The following PRKG2 variants were observed in gnomAD, a reference collection of about 807,000 sequenced individuals.
PRKG2 encodes protein kinase cGMP-dependent 2.
In PRKG2, 33 loss-of-function variants were observed where a neutral mutation model predicts 97.2. The observed-to-expected ratio is 0.34, with a 90% CI of 0.26 to 0.45. The LOEUF is 0.45. Among genes scored for constraint, PRKG2 ranks in the 20% least tolerant of loss-of-function variants. The pLI, the probability that PRKG2 is intolerant of heterozygous loss-of-function variation, is 1.00. For missense variants in PRKG2, 638 were observed against 900.0 expected (o/e 0.71, Z 3.73); for synonymous variants, 330 against 321.8 (o/e 1.03, Z -0.27).
At chr4:81,112,431 A>G (rs923523425) in intron 14 of PRKG2, among the ~76,000 whole-genome samples, 1 of 146,340 alleles carries the variant, frequency 6.8e-6, no homozygotes, top group African/African-American at 2.7e-5. Context: ...TATGCACACA[A>G]ATATGAAAAT....
intron 2 of PRKG2, chr4:81,193,379 A>T (rs1174554083): frequency 6.6e-6 from 1 of 152,164 alleles, no homozygotes; most frequent in African/African-American, 2.4e-5. Context: ...AAACAATAAT[A>T]AACAGAGTCT....
At chr4:81,209,016 A>C (rs1447426173) in intron 1 of PRKG2, among the ~76,000 whole-genome samples, 1 of 152,132 alleles carries the variant, frequency 6.6e-6, no homozygotes, top group East Asian at 1.9e-4. Context: ...ACCATAGTTC[A>C]CTCTGGAGGC....
In PRKG2 at chr4:81,134,214, TAC is replaced by T. The variant is rs534749298; in HGVS notation, c.1776+939_1776+940del. ...AAATTTAATTCATGTGGCTGAATTA[TAC>T]AACTATAACATGTGGGTGATGAAAC... On this transcript the variant is annotated intron_variant, in intron 14 of 18. Transcript: ENST00000264399. Among the ~76,000 whole-genome samples the T allele has an allele frequency of 4.3e-4, 66 of 152,328 alleles. No individual in the cohort carries two copies. The South Asian group carries it at 0.013, about 29-fold the overall frequency.
Position 81,089,125 on chromosome 4 carries a change from T to A in PRKG2, c.*583A>T, listed in dbSNP as rs1245889796. On this transcript the variant is annotated 3_prime_UTR_variant, in exon 19 of 19. Transcript: ENST00000264399. Reference sequence around the variant, plus strand: ...AGGAAATGGTGCCACTGACTATTGCTCAATCTTGCCTCTCCCTGGACTCAT... The same window carrying A: ...AGGAAATGGTGCCACTGACTATTGCACAATCTTGCCTCTCCCTGGACTCAT... 1 of 152,200 alleles carries A rather than the reference T, an allele frequency of 6.6e-6. No homozygotes were observed. The highest frequency in any genetic ancestry group is 1.5e-5 in the Non-Finnish European group (1 of 68,056). The allele number at this position is 152,200 out of a possible 1,614,324, so 9.4% of individuals were successfully genotyped here. A position where few individuals can be genotyped will look rare whatever the true frequency, so the allele number is the denominator to read the frequency against.
At chr4:81,206,114 C>T (rs1437383077) in intron 1 of PRKG2, among the ~76,000 whole-genome samples, 1 of 152,194 alleles carries the variant, frequency 6.6e-6, no homozygotes, top group Non-Finnish European at 1.5e-5. Context: ...AGATAATAAG[C>T]ACACACGAGC....
chr4:81,167,805 A>G (rs1750115876), intron 5 of PRKG2, among the ~76,000 whole-genome samples: 2 of 152,012 alleles, frequency 1.3e-5, no homozygotes, highest in South Asian at 4.1e-4. Context: ...AGGCAAAATT[A>G]TAAACAACAC....
intron 2 of PRKG2, among the ~76,000 whole-genome samples, chr4:81,177,825 G>A (rs1229493212): frequency 6.6e-6 from 1 of 151,968 alleles, no homozygotes; most frequent in South Asian, 2.1e-4. Flanking sequence ...TAATCTATTG[G>A]AAGTATTGAA....
At chr4:81,214,268 C>T (rs1179300480) in intron 1 of PRKG2, among the ~76,000 whole-genome samples, 1 of 151,788 alleles carries the variant, frequency 6.6e-6, no homozygotes, top group Non-Finnish European at 1.5e-5. Context: ...CCCTTCCTAC[C>T]TACTAATTCT....
At chr4:81,134,522 T>C (rs1746480438) in intron 14 of PRKG2, among the ~76,000 whole-genome samples, 1 of 152,186 alleles carries the variant, frequency 6.6e-6, no homozygotes, top group Non-Finnish European at 1.5e-5. Context: ...GTTGTGACTG[T>C]CCAGTCTATT....
intron 17 of PRKG2, among the ~76,000 whole-genome samples, chr4:81,093,439 C>A (rs1440330921): frequency 1.3e-5 from 2 of 150,842 alleles, no homozygotes; most frequent in Admixed American, 1.3e-4. Context: ...TTTATCTTAC[C>A]CCCTTAGCAT....
At chr4:81,122,506 A>G (rs546620421) in intron 14 of PRKG2, among the ~76,000 whole-genome samples, 2 of 152,294 alleles carry the variant, frequency 1.3e-5, no homozygotes, top group African/African-American at 2.4e-5. Context: ...TGAGGTCTTA[A>G]TCCCTCACCA....
At chr4:81,113,172 G>T (rs2109986546) in intron 14 of PRKG2, among the ~76,000 whole-genome samples, 1 of 152,310 alleles carries the variant, frequency 6.6e-6, no homozygotes, top group Middle Eastern at 3.4e-3. Context: ...AGAAGTGAGA[G>T]CATTGTGGGT....
intron 14 of PRKG2, among the ~76,000 whole-genome samples, chr4:81,119,460 T>C (rs1744863806): frequency 6.6e-6 from 1 of 152,218 alleles, no homozygotes; most frequent in Admixed American, 6.5e-5. Context: ...TTTTGTTCCA[T>C]TGATCTATTT....
At position 81,171,815 on chromosome 4, in the gene PRKG2, G is replaced by A. The variant is rs10014824; in HGVS notation, c.629-11C>T. ...CCTCTAGTCGACCCTCTATCAAGCAGAATTTTAAAAAACACACACACAAAT... is the reference window on the plus strand; with the variant it reads ...CCTCTAGTCGACCCTCTATCAAGCAAAATTTTAAAAAACACACACACAAAT... On this transcript the variant is annotated splice_polypyrimidine_tract_variant and intron_variant, in intron 3 of 18. Transcript: ENST00000264399. 8.6e-3 allele frequency: 13,363 copies of A among 1,560,128 alleles called. 990 individuals carry two copies. The African/African-American group carries it at 0.16, about 19-fold the overall frequency.
At chr4:81,198,193 A>G (rs1753080912) in intron 2 of PRKG2, among the ~76,000 whole-genome samples, 1 of 152,212 alleles carries the variant, frequency 6.6e-6, no homozygotes, top group Non-Finnish European at 1.5e-5. Flanking sequence ...AGTTTTAAGG[A>G]TAAAGTGAGA....
intron 10 of PRKG2, among the ~76,000 whole-genome samples, chr4:81,143,953 A>G (rs183326106): frequency 1.0e-3 from 158 of 152,322 alleles, no homozygotes; most frequent in Non-Finnish European, 1.7e-3. Flanking sequence ...ACCAGGCAAC[A>G]TAAAATATCC....
intron 9 of PRKG2, among the ~76,000 whole-genome samples, chr4:81,148,110 A>T (rs1423153302): frequency 6.6e-6 from 1 of 152,158 alleles, no homozygotes; most frequent in Non-Finnish European, 1.5e-5. Context: ...TTTTCAATAA[A>T]TGTTGTATTT....
intron 2 of PRKG2, among the ~76,000 whole-genome samples, chr4:81,196,481 G>A (rs1263212602): frequency 6.6e-6 from 1 of 152,118 alleles, no homozygotes; most frequent in Non-Finnish European, 1.5e-5. Context: ...GTTGTATCTT[G>A]TTCTTCTCAC....
At chr4:81,208,933 T>C (rs1753822425) in intron 1 of PRKG2, among the ~76,000 whole-genome samples, 1 of 152,176 alleles carries the variant, frequency 6.6e-6, no homozygotes, top group African/African-American at 2.4e-5. Context: ...GTAGCCCCTA[T>C]TTATTTTCAC....
Sources: allele counts gnomAD v4.1 joint callset (sites outside exome capture counted in the v4.1 genomes callset), GRCh38; gene constraint gnomAD v4.1.1; transcripts MANE v1.5; gene names NCBI Gene and HGNC (gene_info 2026-07-23, HGNC 2026-07-21).